SEPTIN4: variants seen among roughly 807,000 people sequenced by gnomAD.
The protein encoded by SEPTIN4 is septin 4.
SEPTIN4 carries 52 observed loss-of-function variants against 107.1 expected under a neutral mutation model. That is an observed-to-expected ratio of 0.49 (90% CI 0.39 to 0.61). The LOEUF is 0.61. Among genes scored for constraint, SEPTIN4 ranks in the 20% least tolerant of loss-of-function variants. The pLI, the probability that SEPTIN4 is intolerant of heterozygous loss-of-function variation, is 0.00. For synonymous variants in SEPTIN4, 417 were observed against 467.0 expected, an observed-to-expected ratio of 0.89 and a Z score of 1.38; for missense variants, 1,048 against 1,243.5, an observed-to-expected ratio of 0.84 and a Z score of 2.36.
chr17:58,520,870 G>A lies in SEPTIN4; in HGVS notation c.2832-28C>T, dbSNP rs751017324. On this transcript the variant is annotated intron_variant, in intron 12 of 13. Coordinates refer to ENST00000672673, the MANE Select transcript of SEPTIN4 (RefSeq NM_001368771.2). Reference sequence around the variant, plus strand: ...AAAGGGAGAAAAGGGTTGATAAGGCGAGGAGGACCCCAGCACCCGCTTAGA... The same window carrying A: ...AAAGGGAGAAAAGGGTTGATAAGGCAAGGAGGACCCCAGCACCCGCTTAGA... 10 of 1,613,818 alleles carry A rather than the reference G, an allele frequency of 6.2e-6. No homozygotes were observed. The East Asian group carries it at 1.1e-4, about 18-fold the overall frequency.
At position 58,541,917 on chromosome 17, in the gene SEPTIN4, CA is replaced by C. The variant is rs1286434043; in HGVS notation, c.1606+4del. 2 of 1,614,136 alleles carry C rather than the reference CA, an allele frequency of 1.2e-6. No homozygotes were observed. Among genetic ancestry groups the C allele is most frequent in the Admixed American group, 3.3e-5 (2 of 60,018 alleles). The stretch of plus-strand genomic sequence containing the variant: ...AGTGGGCCCATAGGAGGGAAAAGCA[CA>C]GACCTTTTAGCCACCAGATGACACG... On this transcript the variant is annotated splice_donor_region_variant and intron_variant, in intron 2 of 13. Transcript: ENST00000672673.
At chr17:58,526,573 A>AACAC (rs3034932) in intron 4 of SEPTIN4, 109 bp downstream of exon 4, 137,089 of 1,273,134 alleles carry the variant, frequency 0.11, 1,466 homozygotes, top group East Asian at 0.23. Context: ...CACACACACA[A>AACAC]ACACACACAC....
At chr17:58,533,841 G>A (rs898809128) in intron 3 of SEPTIN4, among the ~76,000 whole-genome samples, 1 of 152,234 alleles carries the variant, frequency 6.6e-6, no homozygotes, top group African/African-American at 2.4e-5. Context: ...TGCACTCTAA[G>A]AATACCTCTT....
chr17:58,530,643 T>A (rs2043375797), intron 3 of SEPTIN4: 1 of 152,338 alleles, frequency 6.6e-6, no homozygotes, highest in Admixed American at 6.5e-5. Flanking sequence ...GAAGTTAGTG[T>A]GTGGCAGAAA....
At chr17:58,542,562 C>A in intron 1 of SEPTIN4, 64 bp downstream of exon 1, 2 of 1,539,374 alleles carry the variant, frequency 1.3e-6, no homozygotes, top group Non-Finnish European at 1.7e-6. Context: ...GTCTTTCCTG[C>A]CCACCCCAAC....
intron 6 of SEPTIN4, chr17:58,525,411 C>T: frequency 1.5e-6 from 1 of 645,438 alleles, no homozygotes; most frequent in Non-Finnish European, 2.6e-6. Flanking sequence ...GGCTCTGGCC[C>T]CAGCCTCTTC....
At chr17:58,539,951 C>G (rs780297728) in intron 3 of SEPTIN4, among the ~76,000 whole-genome samples, 38 of 152,242 alleles carry the variant, frequency 2.5e-4, no homozygotes, top group Non-Finnish European at 4.3e-4. Flanking sequence ...TTAGGCTGAC[C>G]CCCACTATGC....
chr17:58,539,221 A>G (rs2043812931), intron 3 of SEPTIN4: 1 of 1,497,386 alleles, frequency 6.7e-7, no homozygotes. Flanking sequence ...GTAATTATCG[A>G]GACCGGATAA....
intron 6 of SEPTIN4, 162 bp downstream of exon 6, chr17:58,525,533 T>A (rs2042755460): frequency 3.1e-6 from 2 of 653,826 alleles, no homozygotes; most frequent in East Asian, 5.5e-5. Context: ...TTTAGGGAGC[T>A]GGCTGGTGGG....
Position 58,521,297 on chromosome 17 carries a change from C to T in SEPTIN4, c.2625G>A (p.Gly875=). 6.2e-7 allele frequency: 1 copy of T among 1,614,218 alleles called. No homozygotes were observed. The highest frequency in any genetic ancestry group is 8.5e-7 in the Non-Finnish European group (1 of 1,180,040). Residue 875 remains glycine, a synonymous_variant, in exon 11 of 14, where the codon GGG becomes GGA. Coordinates refer to ENST00000672673, the MANE Select transcript of SEPTIN4 (RefSeq NM_001368771.2). The surrounding 1 kb of genome is among the most constrained non-coding windows in gnomAD (Gnocchi z 6.4). The stretch of plus-strand genomic sequence containing the variant: ...GGTAGAGTCGACCCCGAACTCGCCG[C>T]CCTCTGGCCTCTACTACAGTGTTGC... ...IGSNTVVEAR[G]RRVRGRLYPW...
chr17:58,544,179 T>G lies in SEPTIN4; in HGVS notation c.8A>C (p.Lys3Thr), dbSNP rs1251086436. MV[K>T]TNKPGAKVAV... The stretch of plus-strand genomic sequence containing the variant: ...TACCTTGGCCCCAGGTTTATTTGTC[T>G]TGACCATCTGATAGATTGTGCCCTT... Residue 3 changes from lysine to threonine, a missense_variant, in exon 1 of 14, where the codon AAG (lysine) becomes ACG (threonine). By Grantham distance (78) the Lys-to-Thr change is moderately conservative. Around this residue, in one of 2 missense-constraint regions of SEPTIN4, gnomAD observed 787 missense variants for 871.8 expected, o/e 0.90. Transcript: ENST00000672673. The G allele has an allele frequency of 3.1e-6, 5 of 1,610,402 alleles. No individual in the cohort carries two copies. The highest frequency in any genetic ancestry group is 1.7e-4 in the Middle Eastern group (1 of 6,042).
At chr17:58,527,222 AC>A in intron 3 of SEPTIN4, 1 of 755,346 alleles carries the variant, frequency 1.3e-6, no homozygotes, top group Non-Finnish European at 2.4e-6. Flanking sequence ...AGCCCTGGGC[AC>A]CCCCAGAGCC....
intron 1 of SEPTIN4, among the ~76,000 whole-genome samples, 180 bp from the exon 2 acceptor site, chr17:58,542,146 T>C (rs1421711289): frequency 6.6e-6 from 1 of 152,124 alleles, no homozygotes; most frequent in African/African-American, 2.4e-5. Context: ...CACTCTCCCT[T>C]TCTCTTTTTT....
chr17:58,531,941 C>CGCCT (rs1293102461), intron 3 of SEPTIN4: 22 of 1,146,550 alleles, frequency 1.9e-5, no homozygotes, highest in Middle Eastern at 3.7e-4. Context: ...CGCGCCCGCC[C>CGCCT]GCCTGCCTGC....
rs1398151158 is a variant in SEPTIN4 at position 58,544,310 on chromosome 17, T to C, written c.-124A>G. 2 of 1,344,546 alleles carry C rather than the reference T, an allele frequency of 1.5e-6. No homozygotes were observed. The highest frequency in any genetic ancestry group is 2.9e-5 in the African/African-American group (2 of 68,270). The allele number at this position is 1,344,546 out of a possible 1,614,324, so 83.3% of individuals were successfully genotyped here. A position where few individuals can be genotyped will look rare whatever the true frequency, so the allele number is the denominator to read the frequency against. On this transcript the variant is annotated 5_prime_UTR_variant, in exon 1 of 14. Transcript: ENST00000672673. ...GCTGTTTCTTGGGCTCCCACAAAAG[T>C]GGCTGTTGTTCTAAGAGTGTCTCAA...
intron 4 of SEPTIN4, 79 bp downstream of exon 4, chr17:58,526,603 C>A: frequency 4.0e-6 from 6 of 1,500,822 alleles, no homozygotes; most frequent in Non-Finnish European, 5.3e-6. Context: ...CACACACACA[C>A]ACACACACAC....
In SEPTIN4 at chr17:58,521,991, T is replaced by C; in HGVS notation, c.2327A>G (p.Tyr776Cys). Residue 776 changes from tyrosine to cysteine, a missense_variant, in exon 8 of 14, where the codon TAC becomes TGC. Tyr to Cys is a radical substitution (Grantham distance 194). Transcript: ENST00000672673. This position sits in a 1 kb window ranked among gnomAD's most constrained non-coding sequence, Gnocchi z 6.4. ...IQDNRVHCCL[Y>C]FISPFGHGLR... The stretch of plus-strand genomic sequence containing the variant: ...CCCATGGCCGAAGGGTGAGATGAAG[T>C]ACAGGCAGCAGTGCACCCTGTTGTC... 1 of 1,614,224 alleles carries C rather than the reference T, an allele frequency of 6.2e-7. No homozygotes were observed. The highest frequency in any genetic ancestry group is 1.1e-5 in the South Asian group (1 of 91,086).
intron 3 of SEPTIN4, 116 bp downstream of exon 3, chr17:58,540,550 C>T: frequency 2.5e-6 from 2 of 795,236 alleles, no homozygotes; most frequent in African/African-American, 1.8e-5. Context: ...TCTGCCCAAC[C>T]ATAGGGAGCA....
chr17:58,527,881 C>T, intron 3 of SEPTIN4: 1 of 985,706 alleles, frequency 1.0e-6, no homozygotes, highest in Non-Finnish European at 1.2e-6. Flanking sequence ...CCATGACCCA[C>T]AGGGAGTGGA....
Sources: allele counts gnomAD v4.1 joint callset (sites outside exome capture counted in the v4.1 genomes callset), GRCh38; gene constraint gnomAD v4.1.1; regional missense constraint gnomAD v4.1.1; non-coding constraint Gnocchi (gnomAD v3.1); transcripts MANE v1.5; gene names NCBI Gene and HGNC (gene_info 2026-07-23, HGNC 2026-07-21).